MAPKAPK2: variants seen among roughly 807,000 people sequenced by gnomAD.
The protein encoded by MAPKAPK2 is MAPK activated protein kinase 2, also known as MAP kinase-activated protein kinase 2.
In MAPKAPK2, 9 loss-of-function variants were observed where a neutral mutation model predicts 48.8. The observed-to-expected ratio is 0.18, with a 90% CI of 0.11 to 0.32. The LOEUF is 0.32. Among genes scored for constraint, MAPKAPK2 ranks in the 10% least tolerant of loss-of-function variants. MAPKAPK2 has a pLI of 1.00. For synonymous variants in MAPKAPK2, 202 were observed against 190.6 expected, an observed-to-expected ratio of 1.06 and a Z score of -0.49; for missense variants, 331 against 498.3, an observed-to-expected ratio of 0.66 and a Z score of 3.20.
chr1:206,707,886 G>C (rs1553428840), intron 1 of MAPKAPK2, among the ~76,000 whole-genome samples: 1 of 152,230 alleles, frequency 6.6e-6, no homozygotes, highest in African/African-American at 2.4e-5. Context: ...TGTGAAACCA[G>C]CTGGATTTTG....
intron 1 of MAPKAPK2, among the ~76,000 whole-genome samples, chr1:206,719,583 T>G (rs1397081095): frequency 1.3e-5 from 2 of 152,256 alleles, no homozygotes; most frequent in Non-Finnish European, 2.9e-5. Context: ...TATGTTTAGA[T>G]CATGGTTCTA....
chr1:206,729,320 G>A (rs1393569514), intron 3 of MAPKAPK2, 76 bp from the exon 4 acceptor site: 13 of 1,270,014 alleles, frequency 1.0e-5, no homozygotes, highest in Non-Finnish European at 1.1e-5. Flanking sequence ...GGTGGGACCC[G>A]GTGCACTGGG....
rs536129211 is a variant in MAPKAPK2 at position 206,721,930 on chromosome 1, T to G, written c.280-6780T>G. On this transcript the variant is annotated intron_variant, in intron 1 of 9. Transcript: ENST00000367103. ...AAAATACAAAATTAGCCGGGCATGG[T>G]GGCACACGCCTGTAATCCCAGCTAC... Among the ~76,000 whole-genome samples, 44 of 152,248 alleles carry G rather than the reference T, an allele frequency of 2.9e-4. 1 individual carries two copies. In the South Asian group the frequency reaches 5.0e-3, roughly 17 times the overall value.
chr1:206,691,686 C>T (rs1233741421), intron 1 of MAPKAPK2, among the ~76,000 whole-genome samples: 2 of 151,882 alleles, frequency 1.3e-5, no homozygotes, highest in African/African-American at 2.4e-5. Context: ...CACAGAGGGT[C>T]GGCTCGAGCA....
At chr1:206,705,906 C>T (rs1364931103) in intron 1 of MAPKAPK2, among the ~76,000 whole-genome samples, 2 of 152,102 alleles carry the variant, frequency 1.3e-5, no homozygotes. Context: ...CTGGATTTTT[C>T]GCTTGGAACA....
At chr1:206,691,350 A>C (rs530884862) in intron 1 of MAPKAPK2, among the ~76,000 whole-genome samples, 1 of 151,986 alleles carries the variant, frequency 6.6e-6, no homozygotes, top group Non-Finnish European at 1.5e-5. Context: ...TACCTTGTAA[A>C]TGGGGGCATT....
chr1:206,706,846 G>A (rs555557323), intron 1 of MAPKAPK2, among the ~76,000 whole-genome samples: 3 of 152,006 alleles, frequency 2.0e-5, no homozygotes, highest in Admixed American at 6.5e-5. Context: ...GCAGCCCCTC[G>A]GGGCTAGAAG....
chr1:206,687,858 G>A (rs782223136), intron 1 of MAPKAPK2, among the ~76,000 whole-genome samples: 3 of 152,202 alleles, frequency 2.0e-5, no homozygotes, highest in Non-Finnish European at 4.4e-5. Context: ...ACAGTGTGCC[G>A]AGGCCAATGC....
At chr1:206,709,841 C>T (rs1673081298) in intron 1 of MAPKAPK2, among the ~76,000 whole-genome samples, 1 of 152,190 alleles carries the variant, frequency 6.6e-6, no homozygotes, top group Non-Finnish European at 1.5e-5. Context: ...TCCCTGGCCT[C>T]TACCCACTTG....
intron 1 of MAPKAPK2, among the ~76,000 whole-genome samples, chr1:206,692,075 C>A (rs1224686663): frequency 3.3e-5 from 5 of 152,296 alleles, no homozygotes; most frequent in African/African-American, 9.6e-5. Flanking sequence ...AGATTCCTTT[C>A]TCAAGTTATG....
intron 1 of MAPKAPK2, among the ~76,000 whole-genome samples, chr1:206,701,830 C>CAAAAAAAAAAAAAAAAAAAAAAAAAAAA (rs1553427942): frequency 1.2e-5 from 1 of 80,212 alleles, no homozygotes. Context: ...GACCCTGTCT[C>CAAAAAAAAAAAAAAAAAAAAAAAAAAAA]TAAAAAAAAA....
chr1:206,728,503 G>T (rs1673781453), intron 1 of MAPKAPK2, among the ~76,000 whole-genome samples: 1 of 151,636 alleles, frequency 6.6e-6, no homozygotes, highest in African/African-American at 2.4e-5. Context: ...AGCTGTCAAG[G>T]CCCCAAGAGA....
chr1:206,710,477 T>C (rs1401206083), intron 1 of MAPKAPK2, among the ~76,000 whole-genome samples: 2 of 152,156 alleles, frequency 1.3e-5, no homozygotes, highest in Non-Finnish European at 2.9e-5. Context: ...AAATGAAATG[T>C]GGTAATGCTG....
chr1:206,709,352 C>G (rs1316757063), intron 1 of MAPKAPK2, among the ~76,000 whole-genome samples: 1 of 152,158 alleles, frequency 6.6e-6, no homozygotes, highest in African/African-American at 2.4e-5. Context: ...GTATAATACT[C>G]TTTTACAGAT....
At chr1:206,725,034 G>A (rs1426446334) in intron 1 of MAPKAPK2, among the ~76,000 whole-genome samples, 1 of 152,216 alleles carries the variant, frequency 6.6e-6, no homozygotes, top group Non-Finnish European at 1.5e-5. Flanking sequence ...ACACAAGCTA[G>A]GAAGTGCAGA....
rs376606411 is a variant in MAPKAPK2, at chr1:206,708,607, AT to A, written c.280-20096del. Among the ~76,000 whole-genome samples, 629 of 152,280 alleles carry A rather than the reference AT, an allele frequency of 4.1e-3. 6 individuals are homozygous for A. The highest frequency in any genetic ancestry group is 0.014 in the African/African-American group (568 of 41,534). On this transcript the variant is annotated intron_variant, in intron 1 of 9. Coordinates refer to ENST00000367103, the MANE Select transcript of MAPKAPK2 (RefSeq NM_032960.4). ...ATTTGAGTTCAATATTTGTTCATGC[AT>A]TTTTTTGATGATAATATTTATATTA...
At chr1:206,728,242 G>A (rs1362217049) in intron 1 of MAPKAPK2, among the ~76,000 whole-genome samples, 1 of 152,150 alleles carries the variant, frequency 6.6e-6, no homozygotes, top group Non-Finnish European at 1.5e-5. Context: ...AGAGAATATT[G>A]CTCTGGATTT....
At chr1:206,705,768 T>C (rs2102391081) in intron 1 of MAPKAPK2, among the ~76,000 whole-genome samples, 1 of 152,360 alleles carries the variant, frequency 6.6e-6, no homozygotes, top group Middle Eastern at 3.4e-3. Flanking sequence ...ACTGGATTTA[T>C]GGAAGTTTGT....
In MAPKAPK2 at chr1:206,703,571, G is replaced by A. The variant is rs192345229; in HGVS notation, c.279+18063G>A. On this transcript the variant is annotated intron_variant, in intron 1 of 9. Transcript: ENST00000367103. ...TGGACTAGTTTTGCCAAGTGAGCAAGCAAGAAAAATTGGGAAACAGAGGGT... is the reference window on the plus strand; with the variant it reads ...TGGACTAGTTTTGCCAAGTGAGCAAACAAGAAAAATTGGGAAACAGAGGGT... Among the ~76,000 whole-genome samples, 89 of 152,302 alleles carry A rather than the reference G, an allele frequency of 5.8e-4. 3 individuals carry two copies. The highest frequency in any genetic ancestry group is 5.4e-3 in the Admixed American group (83 of 15,294).
Sources: gnomAD v4.1 joint callset for allele counts (sites outside exome capture counted in the v4.1 genomes callset) on GRCh38, gnomAD v4.1.1 for gene constraint, MANE v1.5 for transcripts, NCBI Gene and HGNC (gene_info 2026-07-23, HGNC 2026-07-21) for gene names.